RRP12: variants seen among roughly 807,000 people sequenced by gnomAD.
The protein encoded by RRP12 is RRP12-like protein.
A neutral mutation model predicts 157.3 loss-of-function variants in RRP12; 78 were observed. The ratio of observed to expected loss-of-function variants is 0.50; its 90% CI spans 0.41 to 0.60. The LOEUF is 0.60. Ranked by LOEUF, RRP12 falls within the 20% of genes least tolerant of loss-of-function variation. RRP12 has a pLI of 0.00. For synonymous variants in RRP12, 726 were observed against 670.9 expected, an observed-to-expected ratio of 1.08 and a Z score of -1.27; for missense variants, 1,521 against 1,679.9, an observed-to-expected ratio of 0.91 and a Z score of 1.65.
intron 4 of RRP12, 32 bp from the exon 5 acceptor site, chr10:97,390,876 A>G (rs748834587): frequency 1.3e-5 from 19 of 1,448,416 alleles, no homozygotes; most frequent in Non-Finnish European, 1.8e-5. Context: ...GTCACCCCAG[A>G]GGGTCCCTGA....
intron 29 of RRP12, among the ~76,000 whole-genome samples, chr10:97,365,216 T>G (rs895247446): frequency 1.3e-5 from 2 of 150,248 alleles, no homozygotes; most frequent in Non-Finnish European, 3.0e-5. Context: ...GGCCCAGAGC[T>G]CGCAGCACTG....
chr10:97,388,133 T>C (rs1008394148), intron 8 of RRP12, 119 bp downstream of exon 8: 88 of 1,359,946 alleles, frequency 6.5e-5, no homozygotes, highest in Non-Finnish European at 5.1e-5. Context: ...CTGTTGGTTT[T>C]AGCTTAAGAA....
At chr10:97,380,727 G>A (rs1375915083) in intron 13 of RRP12, 72 bp downstream of exon 13, 14 of 1,074,350 alleles carry the variant, frequency 1.3e-5, no homozygotes, top group Non-Finnish European at 1.7e-5. Flanking sequence ...ACAGAGACAC[G>A]TGCCCTCCAG....
chr10:97,356,945 C>T lies in RRP12; in HGVS notation c.*149G>A. ...TGATTCCATTTGGAGTTTCCAAAATCCAGGACTTCTGAGAGCCAAGCCCTA... is the reference window on the plus strand; with the variant it reads ...TGATTCCATTTGGAGTTTCCAAAATTCAGGACTTCTGAGAGCCAAGCCCTA... On this transcript the variant is annotated 3_prime_UTR_variant, in exon 34 of 34. Transcript: ENST00000370992. 3.5e-6 allele frequency: 2 copies of T among 573,724 alleles called. No homozygotes were observed. Among genetic ancestry groups the T allele is most frequent in the Non-Finnish European group, 6.2e-6 (2 of 324,002 alleles). 35.5% of individuals were successfully genotyped at this position (573,724 alleles called of 1,614,324 possible).
intron 20 of RRP12, chr10:97,371,856 G>A (rs1271529876): frequency 6.3e-6 from 3 of 479,544 alleles, no homozygotes; most frequent in South Asian, 3.3e-5. Context: ...CACTCAGCAC[G>A]CAAGGCCTAA....
intron 4 of RRP12, among the ~76,000 whole-genome samples, chr10:97,392,950 C>G (rs112419701): frequency 0.03 from 4,501 of 152,056 alleles, 232 homozygotes; most frequent in African/African-American, 0.1. Context: ...CTCAGCCTCC[C>G]AAAGTGCTGG....
chr10:97,382,852 C>A (rs1312484542), intron 10 of RRP12, among the ~76,000 whole-genome samples: 1 of 152,018 alleles, frequency 6.6e-6, no homozygotes, highest in Non-Finnish European at 1.5e-5. Flanking sequence ...ACCTCCACCC[C>A]AGAGGTTCAA....
At chr10:97,390,328 C>T (rs946479225) in intron 6 of RRP12, 95 bp downstream of exon 6, 1 of 916,102 alleles carries the variant, frequency 1.1e-6, no homozygotes, top group Non-Finnish European at 1.8e-6. Context: ...TCAGGGCAAG[C>T]TCCCCAGTGC....
In RRP12 at chr10:97,370,920, C is replaced by T. The variant is rs769496404; in HGVS notation, c.2502+3G>A. ...GCAGAGCGGGTGGCCCTAGAGCCCT[C>T]ACCCTCTTGGCGGGTGAGGAGGTGC... On this transcript the variant is annotated splice_donor_region_variant and intron_variant, in intron 21 of 33. Transcript: ENST00000370992. 15 of 1,613,940 alleles carry T rather than the reference C, an allele frequency of 9.3e-6. No individual in the cohort carries two copies. The highest frequency in any genetic ancestry group is 1.7e-5 in the Admixed American group (1 of 60,000).
intron 15 of RRP12, among the ~76,000 whole-genome samples, chr10:97,376,473 A>G (rs960219700): frequency 7.2e-5 from 11 of 152,000 alleles, no homozygotes; most frequent in Non-Finnish European, 1.6e-4. Context: ...TCAGCCTCCC[A>G]AAGTGCTGAG....
rs371505710 is a variant in RRP12 at position 97,363,993 on chromosome 10, C to T, written c.3518-90G>A. 314 of 1,149,402 alleles carry T rather than the reference C, an allele frequency of 2.7e-4. 1 individual carries two copies. Among genetic ancestry groups the T allele is most frequent in the Non-Finnish European group, 3.7e-4 (280 of 757,404 alleles). The allele number at this position is 1,149,402 out of a possible 1,614,324, so 71.2% of individuals were successfully genotyped here. On this transcript the variant is annotated intron_variant, in intron 29 of 33. Transcript: ENST00000370992. ...TGCCCCCTCCTGGCTCACCAGGCTG[C>T]GGGGCCACCAACTCCGGCCCCAGAA...
chr10:97,363,700 A>G (rs11189165), intron 30 of RRP12, among the ~76,000 whole-genome samples, 154 bp downstream of exon 30: 59,182 of 152,000 alleles, frequency 0.39, 12,187 homozygotes, highest in African/African-American at 0.53. Flanking sequence ...GGCACCCACA[A>G]CCTTCTGGAC....
Position 97,357,197 on chromosome 10 carries a change from C to T in RRP12, c.3792-1G>A. The T allele has an allele frequency of 1.9e-6, 3 of 1,598,664 alleles. No homozygotes were observed. Among genetic ancestry groups the T allele is most frequent in the Non-Finnish European group, 2.6e-6 (3 of 1,168,340 alleles). Reference sequence around the variant, plus strand: ...CTGTCCCTGCAGCTTCATCTTCTTCCTGCAGGGCCAAGGAACGGAAGGGTC... The same window carrying T: ...CTGTCCCTGCAGCTTCATCTTCTTCTTGCAGGGCCAAGGAACGGAAGGGTC... On this transcript the variant is annotated splice_acceptor_variant, in intron 33 of 33. Transcript: ENST00000370992. LOFTEE classifies it high-confidence loss of function.
chr10:97,367,719 G>C (rs2133041469), intron 25 of RRP12, among the ~76,000 whole-genome samples: 1 of 152,242 alleles, frequency 6.6e-6, no homozygotes, highest in East Asian at 1.9e-4. Flanking sequence ...AACCGGCTAG[G>C]GGATAGGGTC....
rs376681561 is a variant in RRP12 at position 97,375,595 on chromosome 10, T to A, written c.1799-1701A>T. ...GTATTACCAGGACAAAGGGAATACA[T>A]AACATCAGCCTTAAGAATAATGCCA... On this transcript the variant is annotated intron_variant, in intron 15 of 33. Coordinates refer to ENST00000370992, the MANE Select transcript of RRP12 (RefSeq NM_015179.4). Among the ~76,000 whole-genome samples the A allele has an allele frequency of 1.1e-4, 16 of 152,296 alleles. No individual in the cohort carries two copies. In the East Asian group the frequency reaches 1.2e-3, roughly 11 times the overall value.
chr10:97,379,470 T>G, intron 14 of RRP12, 56 bp from the exon 15 acceptor site: 1 of 1,609,408 alleles, frequency 6.2e-7, no homozygotes, highest in Non-Finnish European at 8.5e-7. Context: ...CTGAGGGCAG[T>G]GCATAGCATA....
At chr10:97,363,777 G>A (rs1286874457) in intron 30 of RRP12, 77 bp downstream of exon 30, 9 of 1,274,502 alleles carry the variant, frequency 7.1e-6, no homozygotes, top group East Asian at 2.3e-5. Context: ...CAATGTCTAC[G>A]TGTGGTGGGG....
In RRP12 at chr10:97,358,518, G is replaced by T; in HGVS notation, c.3791+19C>A. On this transcript the variant is annotated intron_variant, in intron 33 of 33. Transcript: ENST00000370992. ...CCACCCATCCTCCAGCCCCCAGCCT[G>T]CCTGGCACAGCGTCATACCTGCGGT... 1.9e-6 allele frequency: 3 copies of T among 1,599,758 alleles called. No individual in the cohort carries two copies. The highest frequency in any genetic ancestry group is 1.7e-6 in the Non-Finnish European group (2 of 1,167,120).
rs150269736 is a variant in RRP12, at chr10:97,382,365, G to A, written c.1209-539C>T. On this transcript the variant is annotated intron_variant, in intron 10 of 33. Transcript: ENST00000370992. Reference sequence around the variant, plus strand: ...TCACTGTGTTTCCCAGGCTAGTCTCGACCTTCTGGCCTCAAGTGATCCTCC... The same window carrying A: ...TCACTGTGTTTCCCAGGCTAGTCTCAACCTTCTGGCCTCAAGTGATCCTCC... Among the ~76,000 whole-genome samples, 258 of 151,968 alleles carry A rather than the reference G, an allele frequency of 1.7e-3. 2 individuals are homozygous for A. The highest frequency in any genetic ancestry group is 5.3e-3 in the African/African-American group (220 of 41,462).
Sources: gnomAD v4.1 joint callset for allele counts (sites outside exome capture counted in the v4.1 genomes callset) on GRCh38, gnomAD v4.1.1 for gene constraint, MANE v1.5 for transcripts, NCBI Gene and HGNC (gene_info 2026-07-23, HGNC 2026-07-21) for gene names.